TBC1D5: variants seen among roughly 807,000 people sequenced by gnomAD.
The protein encoded by TBC1D5 is TBC1 domain family, member 5.
Under a neutral mutation model 100.3 loss-of-function variants are expected in TBC1D5, and 75 were observed. The ratio of observed to expected loss-of-function variants is 0.75; its 90% CI spans 0.62 to 0.91. The LOEUF (loss-of-function observed/expected upper bound fraction) is 0.91. Ranked by LOEUF, TBC1D5 falls within the 40% of genes least tolerant of loss-of-function variation. The probability of loss-of-function intolerance (pLI) is 0.00; values close to 1 mark genes in which losing one functional copy is unlikely to be tolerated. For synonymous variants in TBC1D5, 323 were observed against 325.6 expected (o/e 0.99, Z 0.09); for missense variants, 910 against 942.4 (o/e 0.97, Z 0.45).
chr3:17,436,549 TTA>T (rs1248443068), intron 3 of TBC1D5, among the ~76,000 whole-genome samples: 1 of 152,180 alleles, frequency 6.6e-6, no homozygotes, highest in East Asian at 1.9e-4. Context: ...ACTTTATGAA[TTA>T]TATGAGGATG....
At chr3:17,525,654 C>T (rs1264879462) in intron 2 of TBC1D5, among the ~76,000 whole-genome samples, 1 of 151,964 alleles carries the variant, frequency 6.6e-6, no homozygotes, top group Non-Finnish European at 1.5e-5. Flanking sequence ...CTTACTGAAG[C>T]ATAAATGCCC....
At chr3:17,562,891 G>A (rs182003297) in intron 2 of TBC1D5, among the ~76,000 whole-genome samples, 1 of 152,328 alleles carries the variant, frequency 6.6e-6, no homozygotes. Flanking sequence ...TAGATTGTCT[G>A]AGAATACCTA....
chr3:17,331,819 G>A (rs1314365818), intron 13 of TBC1D5, among the ~76,000 whole-genome samples: 1 of 152,236 alleles, frequency 6.6e-6, no homozygotes, highest in East Asian at 1.9e-4. Flanking sequence ...GAAGGAGACA[G>A]CATGTACAAA....
intron 4 of TBC1D5, among the ~76,000 whole-genome samples, chr3:17,425,661 T>C (rs1232192098): frequency 6.6e-6 from 1 of 152,046 alleles, no homozygotes; most frequent in Non-Finnish European, 1.5e-5. Flanking sequence ...CCAGAGACTA[T>C]GCCCTCTTGA....
At chr3:17,411,058 A>G (rs1244132912) in intron 4 of TBC1D5, among the ~76,000 whole-genome samples, 1 of 152,026 alleles carries the variant, frequency 6.6e-6, no homozygotes, top group African/African-American at 2.4e-5. Context: ...GGCATACTTC[A>G]CTGTTGTGTT....
intron 3 of TBC1D5, among the ~76,000 whole-genome samples, chr3:17,429,785 G>C (rs1049475286): frequency 6.6e-6 from 1 of 151,820 alleles, no homozygotes; most frequent in African/African-American, 2.4e-5. Flanking sequence ...CTGACAGATA[G>C]TAAAGAACAC....
chr3:17,220,269 T>C (rs903222264), intron 17 of TBC1D5, among the ~76,000 whole-genome samples: 4 of 152,144 alleles, frequency 2.6e-5, no homozygotes, highest in African/African-American at 7.2e-5. Flanking sequence ...TATAAATCTG[T>C]TGCAATTTCT....
At chr3:17,201,086 A>T (rs2071404734) in intron 18 of TBC1D5, among the ~76,000 whole-genome samples, 1 of 151,612 alleles carries the variant, frequency 6.6e-6, no homozygotes, top group Non-Finnish European at 1.5e-5. Context: ...TAAAATCCAA[A>T]TTTTTTTTTA....
chr3:17,267,774 A>G (rs2078995223), intron 15 of TBC1D5, among the ~76,000 whole-genome samples: 1 of 152,116 alleles, frequency 6.6e-6, no homozygotes, highest in Admixed American at 6.6e-5. Flanking sequence ...AAGGCAACAA[A>G]AACCAAGGTC....
intron 2 of TBC1D5, chr3:17,622,548 T>G (rs969477330): frequency 8.6e-5 from 13 of 151,070 alleles, no homozygotes; most frequent in Non-Finnish European, 5.9e-5. Context: ...TTTGTGCACA[T>G]GTTAAAGGAA....
At chr3:17,648,184 A>G (rs953788322) in intron 1 of TBC1D5, among the ~76,000 whole-genome samples, 42 of 152,180 alleles carry the variant, frequency 2.8e-4, no homozygotes, top group Non-Finnish European at 4.6e-4. Context: ...CCGCACATCT[A>G]TGACCATCTG....
intron 16 of TBC1D5, among the ~76,000 whole-genome samples, chr3:17,249,035 CCT>C (rs2076974413): frequency 6.6e-6 from 1 of 152,162 alleles, no homozygotes; most frequent in Admixed American, 6.5e-5. Flanking sequence ...CTTCCTCACC[CCT>C]CTCTGCCTTT....
intron 3 of TBC1D5, among the ~76,000 whole-genome samples, chr3:17,434,334 C>T (rs1261984476): frequency 6.6e-6 from 1 of 152,226 alleles, no homozygotes; most frequent in Non-Finnish European, 1.5e-5. Context: ...CATATATCAT[C>T]TGAAATCTAG....
At chr3:17,641,122 A>T (rs1260589938) in intron 1 of TBC1D5, among the ~76,000 whole-genome samples, 1 of 152,146 alleles carries the variant, frequency 6.6e-6, no homozygotes, top group African/African-American at 2.4e-5. Context: ...AAAACAATCC[A>T]TCTAGGAAGA....
At chr3:17,346,614 T>C (rs1423877056) in intron 13 of TBC1D5, among the ~76,000 whole-genome samples, 1 of 152,122 alleles carries the variant, frequency 6.6e-6, no homozygotes. Context: ...CCTTAATGGG[T>C]TTCTTGCATT....
rs74582127 is a variant in TBC1D5, at chr3:17,189,909, G to A, written c.1753-4701C>T. ...CAGATATGATTGGCTGTATTGTTTT[G>A]TTGTTTGTTGAATGATTTTCTTTTT... On this transcript the variant is annotated intron_variant, in intron 18 of 21. Transcript: ENST00000253692. Among the ~76,000 whole-genome samples, 21 of 152,238 alleles carry A rather than the reference G, an allele frequency of 1.4e-4. 1 individual carries two copies. The East Asian group carries it at 4.0e-3, about 29-fold the overall frequency.
At chr3:17,502,131 AGACC>A (rs1305848586) in intron 3 of TBC1D5, among the ~76,000 whole-genome samples, 2 of 149,624 alleles carry the variant, frequency 1.3e-5, no homozygotes, top group Non-Finnish European at 2.9e-5. Flanking sequence ...TATACTTCCA[AGACC>A]GCAGAACTCT....
At chr3:17,381,209 G>A (rs2092930882) in intron 9 of TBC1D5, among the ~76,000 whole-genome samples, 1 of 151,972 alleles carries the variant, frequency 6.6e-6, no homozygotes, top group Admixed American at 6.6e-5. Flanking sequence ...TACAAATGCA[G>A]TGGGCCACAT....
In TBC1D5 at chr3:17,399,959, T is replaced by C. The variant is rs2093604926; in HGVS notation, c.509+3222A>G. On this transcript the variant is annotated intron_variant, in intron 8 of 21. Transcript: ENST00000253692. ...TCAAAGATGTCTTCTCCAATCACTATTCCTAAAGTAGCCATCCCACTGGCT... is the reference window on the plus strand; with the variant it reads ...TCAAAGATGTCTTCTCCAATCACTACTCCTAAAGTAGCCATCCCACTGGCT... Among the ~76,000 whole-genome samples, 5 of 152,124 alleles carry C rather than the reference T, an allele frequency of 3.3e-5. No individual in the cohort carries two copies. In the South Asian group the frequency reaches 1.0e-3, roughly 32 times the overall value.
Sources: gnomAD v4.1 joint callset for allele counts (sites outside exome capture counted in the v4.1 genomes callset) on GRCh38, gnomAD v4.1.1 for gene constraint, MANE v1.5 for transcripts, NCBI Gene and HGNC (gene_info 2026-07-23, HGNC 2026-07-21) for gene names.